ATRNL1: variants seen among roughly 807,000 people sequenced by gnomAD.
The protein encoded by ATRNL1 is attractin-like protein 1.
A neutral mutation model predicts 182.7 loss-of-function variants in ATRNL1; 95 were observed. The observed-to-expected ratio is 0.52, with a 90% CI of 0.44 to 0.62. ATRNL1 has a LOEUF of 0.62. Ranked by LOEUF, ATRNL1 falls within the 20% of genes least tolerant of loss-of-function variation. ATRNL1 has a pLI of 0.00. For missense variants in ATRNL1, 1,471 were observed against 1,679.5 expected (o/e 0.88, Z 2.17); for synonymous variants, 576 against 568.3 (o/e 1.01, Z -0.19).
intron 26 of ATRNL1, among the ~76,000 whole-genome samples, chr10:115,559,017 C>T (rs1365546519): frequency 1.3e-5 from 2 of 152,094 alleles, no homozygotes; most frequent in African/African-American, 2.4e-5. Context: ...CAAGGCATAG[C>T]AGCCTGATAA....
chr10:115,220,058 C>G (rs574428468), intron 9 of ATRNL1, among the ~76,000 whole-genome samples: 1 of 152,226 alleles, frequency 6.6e-6, no homozygotes, highest in Non-Finnish European at 1.5e-5. Flanking sequence ...TATTAATTCT[C>G]TCTAACAATT....
chr10:115,589,434 T>C (rs1194609720), intron 26 of ATRNL1, among the ~76,000 whole-genome samples: 1 of 152,156 alleles, frequency 6.6e-6, no homozygotes, highest in Non-Finnish European at 1.5e-5. Flanking sequence ...TCTCATTTAC[T>C]TAATGAAGAA....
At position 115,774,556 on chromosome 10, in the gene ATRNL1, A is replaced by T. The variant is rs782501216; in HGVS notation, c.3903+47201A>T. ...AGAGTCTTGATCACCTAAGCTATAA[A>T]AAACACTTCTGGGTAGAAGAAGTTT... On this transcript the variant is annotated intron_variant, in intron 27 of 28. Transcript: ENST00000355044. 9.8e-5 allele frequency among the ~76,000 whole-genome samples: 15 copies of T among 152,292 alleles called. No homozygotes were observed. The Middle Eastern group carries it at 0.017, about 173-fold the overall frequency.
chr10:115,317,674 A>C (rs1335388796), intron 18 of ATRNL1, among the ~76,000 whole-genome samples: 1 of 152,142 alleles, frequency 6.6e-6, no homozygotes, highest in Admixed American at 6.6e-5. Context: ...ATGGGAGTTC[A>C]TTAATGATTT....
intron 26 of ATRNL1, among the ~76,000 whole-genome samples, chr10:115,584,100 C>T (rs1855323430): frequency 6.6e-6 from 1 of 151,502 alleles, no homozygotes; most frequent in Non-Finnish European, 1.5e-5. Context: ...AGGTATGAAG[C>T]CCACTCGATC....
intron 27 of ATRNL1, among the ~76,000 whole-genome samples, chr10:115,761,992 CT>C (rs1948743842): frequency 6.6e-6 from 1 of 152,070 alleles, no homozygotes; most frequent in Non-Finnish European, 1.5e-5. Context: ...AACTTATTGT[CT>C]TTTAAGTATC....
At chr10:115,255,039 C>T (rs1055016983) in intron 10 of ATRNL1, among the ~76,000 whole-genome samples, 2 of 152,062 alleles carry the variant, frequency 1.3e-5, no homozygotes, top group African/African-American at 2.4e-5. Context: ...GTTACTGTAG[C>T]CTTGTAGTAT....
At chr10:115,656,106 C>T (rs1860313296) in intron 26 of ATRNL1, among the ~76,000 whole-genome samples, 3 of 152,234 alleles carry the variant, frequency 2.0e-5, no homozygotes, top group South Asian at 4.1e-4. Context: ...AATTGATCTC[C>T]AACAGTATTA....
intron 26 of ATRNL1, among the ~76,000 whole-genome samples, chr10:115,565,067 A>G (rs1374825305): frequency 6.6e-6 from 1 of 152,042 alleles, no homozygotes; most frequent in African/African-American, 2.4e-5. Flanking sequence ...TGCACTTAGA[A>G]TATTCTTTTA....
intron 10 of ATRNL1, 148 bp downstream of exon 10, chr10:115,241,873 A>G: frequency 1.5e-6 from 1 of 689,354 alleles, no homozygotes; most frequent in Non-Finnish European, 2.3e-6. Context: ...ATTTCAGCAC[A>G]GTAGTATTAT....
rs112342343 is a variant in ATRNL1 at position 115,898,111 on chromosome 10, A to G, written c.4019-46547A>G. On this transcript the variant is annotated intron_variant, in intron 28 of 28. Transcript: ENST00000355044. ...CCCAGCTAATTTTTGTATTTTTAGC[A>G]GAGACGGGGTTCACCATGTTGGCCA... 8.0e-3 allele frequency among the ~76,000 whole-genome samples: 1,224 copies of G among 152,196 alleles called. 22 individuals carry two copies. The highest frequency in any genetic ancestry group is 0.028 in the African/African-American group (1,151 of 41,536).
chr10:115,468,996 A>T (rs1554971480), intron 23 of ATRNL1, among the ~76,000 whole-genome samples, 176 bp from the exon 24 acceptor site: 1 of 150,716 alleles, frequency 6.6e-6, no homozygotes, highest in Non-Finnish European at 1.5e-5. Flanking sequence ...AATAATTTTT[A>T]TACTAAATTT....
At chr10:115,267,073 C>T in intron 12 of ATRNL1, 68 bp downstream of exon 12, 3 of 1,104,672 alleles carry the variant, frequency 2.7e-6, no homozygotes, top group African/African-American at 1.6e-5. Context: ...GAAATATCTT[C>T]TGCTTATAAG....
chr10:115,568,774 A>G (rs1381215353), intron 26 of ATRNL1, among the ~76,000 whole-genome samples: 1 of 151,986 alleles, frequency 6.6e-6, no homozygotes, highest in Non-Finnish European at 1.5e-5. Context: ...GAAAAAATAA[A>G]AAGTTATAAA....
At chr10:115,564,674 A>G (rs1555001024) in intron 26 of ATRNL1, among the ~76,000 whole-genome samples, 1 of 151,904 alleles carries the variant, frequency 6.6e-6, no homozygotes, top group African/African-American at 2.4e-5. Flanking sequence ...AGAGTTCAAC[A>G]TTGCCACCAG....
At chr10:115,278,507 G>C (rs1852204478) in intron 13 of ATRNL1, among the ~76,000 whole-genome samples, 1 of 152,196 alleles carries the variant, frequency 6.6e-6, no homozygotes, top group Non-Finnish European at 1.5e-5. Context: ...GCCCTATTTG[G>C]GCATGGTGTG....
At chr10:115,276,121 G>A (rs1032968959) in intron 13 of ATRNL1, among the ~76,000 whole-genome samples, 2 of 151,998 alleles carry the variant, frequency 1.3e-5, no homozygotes, top group Non-Finnish European at 2.9e-5. Context: ...CCTACTTTCT[G>A]GTTCACAGTA....
At chr10:115,290,129 G>A (rs1273894857) in intron 15 of ATRNL1, among the ~76,000 whole-genome samples, 4 of 142,238 alleles carry the variant, frequency 2.8e-5, no homozygotes, top group South Asian at 2.2e-4. Flanking sequence ...TCTAAGTATT[G>A]TAAATGGTGT....
intron 21 of ATRNL1, among the ~76,000 whole-genome samples, chr10:115,454,959 A>AT (rs560068690): frequency 1.2e-4 from 19 of 152,252 alleles, no homozygotes; most frequent in African/African-American, 4.6e-4. Context: ...GAGAGTGGAC[A>AT]TCCCTTCCTT....
Sources: gnomAD v4.1 joint callset for allele counts (sites outside exome capture counted in the v4.1 genomes callset) on GRCh38, gnomAD v4.1.1 for gene constraint, MANE v1.5 for transcripts, NCBI Gene and HGNC (gene_info 2026-07-23, HGNC 2026-07-21) for gene names.